Variants in KIF21A observed in about 807,000 individuals in gnomAD.
KIF21A encodes the protein kinesin family member 21A, also known as kinesin-like protein KIF21A.
A neutral mutation model predicts 202.9 loss-of-function variants in KIF21A; 114 were observed. The ratio of observed to expected loss-of-function variants is 0.56; its 90% CI spans 0.48 to 0.66. The LOEUF is 0.66. Among genes scored for constraint, KIF21A ranks in the 30% least tolerant of loss-of-function variants. The pLI is 0.00. For synonymous variants in KIF21A, 667 were observed against 670.8 expected, an observed-to-expected ratio of 0.99 and a Z score of 0.09; for missense variants, 1,677 against 1,994.9, an observed-to-expected ratio of 0.84 and a Z score of 3.04.
intron 11 of KIF21A, among the ~76,000 whole-genome samples, chr12:39,350,192 C>T (rs1327873964): frequency 6.6e-6 from 1 of 151,826 alleles, no homozygotes; most frequent in Non-Finnish European, 1.5e-5. Flanking sequence ...TTAGTATTAA[C>T]ATCTATTATT....
chr12:39,343,259 C>G (rs1039967144), intron 12 of KIF21A, among the ~76,000 whole-genome samples: 4 of 151,978 alleles, frequency 2.6e-5, no homozygotes, highest in African/African-American at 9.7e-5. Context: ...ACTAAGGAGG[C>G]TGGGGCAGGA....
At chr12:39,315,264 C>T in intron 30 of KIF21A, 24 bp from the exon 31 acceptor site, 4 of 1,608,630 alleles carry the variant, frequency 2.5e-6, no homozygotes, top group Non-Finnish European at 3.4e-6. Context: ...GCAAAAATGG[C>T]CATAAAACAA....
rs965763334 is a variant in KIF21A, at chr12:39,378,211, C to T, written c.45-7950G>A. The stretch of plus-strand genomic sequence containing the variant: ...CATCTTCCTCTGACTTCCACTCTAG[C>T]GTCTCCTACTTTTTATCCCACGGTT... On this transcript the variant is annotated intron_variant, in intron 1 of 37. Transcript: ENST00000361418. 3.9e-5 allele frequency among the ~76,000 whole-genome samples: 6 copies of T among 152,146 alleles called. 1 individual carries two copies. The highest frequency in any genetic ancestry group is 1.2e-4 in the African/African-American group (5 of 41,442).
Position 39,332,751 on chromosome 12 carries a change from T to A in KIF21A, c.2703-7A>T. 1 of 1,613,968 alleles carries A rather than the reference T, an allele frequency of 6.2e-7. No individual in the cohort carries two copies. Among genetic ancestry groups the A allele is most frequent in the Non-Finnish European group, 8.5e-7 (1 of 1,179,934 alleles). ...TTTCCTCTGATATTTTTTCCTATAA[T>A]CATATAAAACAGACAAGCTCAATTA... On this transcript the variant is annotated splice_polypyrimidine_tract_variant and splice_region_variant and intron_variant, in intron 19 of 37. Coordinates refer to ENST00000361418, the MANE Select transcript of KIF21A (RefSeq NM_001173464.2).
At chr12:39,417,121 C>CATTAATGAGAAAGAAACAGG (rs1953827031) in intron 1 of KIF21A, among the ~76,000 whole-genome samples, 1 of 151,030 alleles carries the variant, frequency 6.6e-6, no homozygotes, top group Non-Finnish European at 1.5e-5. Context: ...GTATATAAGA[C>CATTAATGAGAAAGAAACAGG]ATTAATGAGA....
chr12:39,319,799 C>G (rs997505717), intron 28 of KIF21A, 107 bp downstream of exon 28: 5 of 787,648 alleles, frequency 6.3e-6, no homozygotes, highest in Non-Finnish European at 1.1e-5. Context: ...ATAGTCATAA[C>G]CACAGCACCA....
In KIF21A at chr12:39,335,231, G is replaced by A. The variant is rs946090247; in HGVS notation, c.2418+1865C>T. Among the ~76,000 whole-genome samples the A allele has an allele frequency of 2.0e-5, 3 of 151,876 alleles. No homozygotes were observed. In the South Asian group the frequency reaches 6.2e-4, roughly 32 times the overall value. On this transcript the variant is annotated intron_variant, in intron 17 of 37. Coordinates refer to ENST00000361418, the MANE Select transcript of KIF21A (RefSeq NM_001173464.2). ...GTTTGACACCAGCCTGGCCAACATGGTGAAAACCCATCTCTACTAAAAATA... is the reference window on the plus strand; with the variant it reads ...GTTTGACACCAGCCTGGCCAACATGATGAAAACCCATCTCTACTAAAAATA...
At chr12:39,412,670 G>A (rs761738623) in intron 1 of KIF21A, among the ~76,000 whole-genome samples, 28 of 151,982 alleles carry the variant, frequency 1.8e-4, no homozygotes, top group Non-Finnish European at 4.0e-4. Flanking sequence ...GCGAGCTGAG[G>A]TTGCACCACT....
chr12:39,366,308 G>A, intron 6 of KIF21A, 42 bp downstream of exon 6: 1 of 1,550,228 alleles, frequency 6.5e-7, no homozygotes, highest in Non-Finnish European at 8.9e-7. Flanking sequence ...AAGGACAATA[G>A]AAAAGCTCTG....
At chr12:39,323,239 C>A (rs556694016) in intron 26 of KIF21A, among the ~76,000 whole-genome samples, 1 of 152,134 alleles carries the variant, frequency 6.6e-6, no homozygotes, top group East Asian at 1.9e-4. Flanking sequence ...AGTGGCAAAG[C>A]CAGATTCAAG....
chr12:39,398,799 A>G (rs2139809493), intron 1 of KIF21A, among the ~76,000 whole-genome samples: 1 of 152,358 alleles, frequency 6.6e-6, no homozygotes, highest in South Asian at 2.1e-4. Flanking sequence ...CATTGAGTAT[A>G]AAGGGAAATT....
chr12:39,376,795 C>T (rs1417690653), intron 1 of KIF21A, among the ~76,000 whole-genome samples: 1 of 152,132 alleles, frequency 6.6e-6, no homozygotes, highest in Non-Finnish European at 1.5e-5. Flanking sequence ...CACTCCTACC[C>T]CTTCTATTCC....
At chr12:39,349,677 T>C (rs1384143074) in intron 11 of KIF21A, among the ~76,000 whole-genome samples, 2 of 152,108 alleles carry the variant, frequency 1.3e-5, no homozygotes, top group South Asian at 2.1e-4. Flanking sequence ...TTAAAAGTTA[T>C]TGGGATCCAA....
chr12:39,317,799 A>G (rs1944726768), intron 29 of KIF21A, among the ~76,000 whole-genome samples: 1 of 152,212 alleles, frequency 6.6e-6, no homozygotes, highest in Non-Finnish European at 1.5e-5. Context: ...AAGATTTTTC[A>G]GTTCTAATTT....
intron 37 of KIF21A, among the ~76,000 whole-genome samples, chr12:39,294,875 G>A (rs77726062): frequency 1.9e-3 from 289 of 152,310 alleles, no homozygotes; most frequent in African/African-American, 6.5e-3. Context: ...AATCCAGGCA[G>A]TCTGGCTCCG....
At chr12:39,295,429 A>C (rs547935998) in intron 37 of KIF21A, among the ~76,000 whole-genome samples, 1 of 152,286 alleles carries the variant, frequency 6.6e-6, no homozygotes, top group South Asian at 2.1e-4. Flanking sequence ...GTTAAAATGC[A>C]CTTCAGAGAT....
intron 29 of KIF21A, among the ~76,000 whole-genome samples, chr12:39,316,286 C>T (rs1944533190): frequency 6.6e-6 from 1 of 152,070 alleles, no homozygotes; most frequent in South Asian, 2.1e-4. Flanking sequence ...AGATATAGCA[C>T]TTCAAGGTTT....
chr12:39,361,108 C>G (rs1949172535), intron 7 of KIF21A, among the ~76,000 whole-genome samples: 1 of 152,182 alleles, frequency 6.6e-6, no homozygotes. Context: ...TAAAACTCAG[C>G]AGAAATTCAA....
rs201723887 is a variant in KIF21A, at chr12:39,391,299, TA to T, written c.45-21039del. ...CAAGTTTGGATACTGAAGGATTCAA[TA>T]AAAAAAATTTTTTTTTTCACTTCCT... On this transcript the variant is annotated intron_variant, in intron 1 of 37. Transcript: ENST00000361418. Among the ~76,000 whole-genome samples, 600 of 150,864 alleles carry T rather than the reference TA, an allele frequency of 4.0e-3. 3 individuals are homozygous for T. Among genetic ancestry groups the T allele is most frequent in the East Asian group, 0.013 (65 of 4,962 alleles).
Sources: gnomAD v4.1 joint callset for allele counts (sites outside exome capture counted in the v4.1 genomes callset) on GRCh38, gnomAD v4.1.1 for gene constraint, MANE v1.5 for transcripts, NCBI Gene and HGNC (gene_info 2026-07-23, HGNC 2026-07-21) for gene names.